The following AFF1 variants were observed in gnomAD, a reference collection of about 807,000 sequenced individuals.
The protein encoded by AFF1 is AF4/FMR2 family member 1.
In AFF1, 48 loss-of-function variants were observed where a neutral mutation model predicts 121.7. That is an observed-to-expected ratio of 0.39 (90% CI 0.31 to 0.50). The LOEUF (loss-of-function observed/expected upper bound fraction) is 0.50. Among genes scored for constraint, AFF1 ranks in the 20% least tolerant of loss-of-function variants. AFF1 has a pLI of 0.76. For synonymous variants in AFF1, 613 were observed against 563.0 expected, an observed-to-expected ratio of 1.09 and a Z score of -1.26; for missense variants, 1,523 against 1,511.7, an observed-to-expected ratio of 1.01 and a Z score of -0.12.
chr4:87,046,912 C>T lies in AFF1; in HGVS notation c.377C>T (p.Pro126Leu). 2 of 1,614,220 alleles carry T rather than the reference C, an allele frequency of 1.2e-6. No homozygotes were observed. Among genetic ancestry groups the T allele is most frequent in the Non-Finnish European group, 1.7e-6 (2 of 1,180,044 alleles). ...GTCCACCACCAGTCCATTCACACTC[C>T]TGCGTCTGGACCACTTTCTGTTGGC... ...TSVHHQSIHT[P>L]ASGPLSVGNI... is the part of the protein sequence containing the mutation. The change falls in exon 4 of 21, where the codon CCT becomes CTT. Residue 126 changes from proline (P) to leucine (L), a missense_variant. By Grantham distance (98) the Pro-to-Leu change is moderately conservative (BLOSUM62 -3). This residue lies in a region of AFF1 where 369 missense variants were observed against 367.2 expected (regional missense o/e 1.00). Transcript: ENST00000395146.
intron 4 of AFF1, among the ~76,000 whole-genome samples, chr4:87,077,765 A>G (rs1252447326): frequency 2.6e-5 from 4 of 152,288 alleles, no homozygotes; most frequent in Admixed American, 2.6e-4. Context: ...ATTCTTCTAA[A>G]CAATGTATCT....
At chr4:87,010,720 T>C (rs1170048741) in intron 2 of AFF1, among the ~76,000 whole-genome samples, 1 of 152,184 alleles carries the variant, frequency 6.6e-6, no homozygotes, top group Non-Finnish European at 1.5e-5. Flanking sequence ...AACCCTCTCA[T>C]TGAAGCAGAT....
At position 86,982,826 on chromosome 4, in the gene AFF1, C is replaced by T. The variant is rs190575344; in HGVS notation, c.38+34255C>T. On this transcript the variant is annotated intron_variant, in intron 2 of 20. Transcript: ENST00000395146. ...TCGTGCCACTGCACTCCAGTCTGGG[C>T]GACAGAGTAAGACTCTGTCTCCAAA... is the stretch of plus-strand genomic sequence containing the variant. Among the ~76,000 whole-genome samples the T allele has an allele frequency of 3.8e-4, 44 of 114,696 alleles. No homozygotes were observed. In the East Asian group the frequency reaches 9.2e-3, roughly 24 times the overall value. The allele number at this position is 114,696 out of a possible 152,430, so 75.2% of individuals were successfully genotyped here.
chr4:86,997,727 G>A (rs539832017), intron 2 of AFF1, among the ~76,000 whole-genome samples: 9 of 149,886 alleles, frequency 6.0e-5, no homozygotes, highest in African/African-American at 1.2e-4. Context: ...GTGCCACTGC[G>A]CTTCAGCCTG....
intron 4 of AFF1, 60 bp from the exon 5 acceptor site, chr4:87,084,060 C>T (rs1723433797): frequency 6.9e-7 from 1 of 1,458,398 alleles, no homozygotes; most frequent in Non-Finnish European, 9.6e-7. Context: ...AGTCATCCAC[C>T]AGTACCATCA....
At position 86,966,266 on chromosome 4, in the gene AFF1, G is replaced by A. The variant is rs938053791; in HGVS notation, c.38+17695G>A. Among the ~76,000 whole-genome samples, 8 of 152,064 alleles carry A rather than the reference G, an allele frequency of 5.3e-5. No homozygotes were observed. In the Middle Eastern group the frequency reaches 0.01, roughly 194 times the overall value. On this transcript the variant is annotated intron_variant, in intron 2 of 20. Transcript: ENST00000395146. ...GTGATATATATTGAATTTTGTGTGCGGTGCTGTCAATCCTTCCTCTTCTCT... is the reference window on the plus strand; with the variant it reads ...GTGATATATATTGAATTTTGTGTGCAGTGCTGTCAATCCTTCCTCTTCTCT...
chr4:87,127,688 G>A lies in AFF1; in HGVS notation c.2949G>A (p.Gln983=), dbSNP rs376235465. The change falls in exon 16 of 21, where the codon CAG becomes CAA. Residue 983 remains glutamine, a synonymous_variant. Transcript: ENST00000395146. ...TGAGGGAGGCAAAAAAGATGAAGCAGAAAGCAGAGTTAATGGTTAGTATTG... is the reference window on the plus strand; with the variant it reads ...TGAGGGAGGCAAAAAAGATGAAGCAAAAAGCAGAGTTAATGGTTAGTATTG... ...LHMREAKKMK[Q]KAELMTDRVG... is the part of the protein sequence containing the mutation. The A allele has an allele frequency of 1.7e-5, 27 of 1,614,044 alleles. No homozygotes were observed. The African/African-American group carries it at 2.0e-4, about 12-fold the overall frequency.
Position 87,074,244 on chromosome 4 carries a change from C to T in AFF1, c.1060-9876C>T, listed in dbSNP as rs180737412. Among the ~76,000 whole-genome samples, 46 of 152,038 alleles carry T rather than the reference C, an allele frequency of 3.0e-4. No individual in the cohort carries two copies. The South Asian group carries it at 6.9e-3, about 23-fold the overall frequency. ...ATATAGCTTAGGCCATTTGAAAGGA[C>T]TTGTCAGTTGACTATTGCTGGAATG... On this transcript the variant is annotated intron_variant, in intron 4 of 20. Coordinates refer to ENST00000395146, the MANE Select transcript of AFF1 (RefSeq NM_001166693.3).
intron 4 of AFF1, among the ~76,000 whole-genome samples, chr4:87,080,880 G>A (rs1255913671): frequency 6.6e-6 from 1 of 152,146 alleles, no homozygotes; most frequent in Non-Finnish European, 1.5e-5. Context: ...GTGAGTCTCA[G>A]GTAGATGGAA....
rs992997141 is a variant in AFF1, at chr4:87,043,450, A to C, written c.39-2716A>C. Among the ~76,000 whole-genome samples the C allele has an allele frequency of 2.6e-5, 4 of 152,214 alleles. 1 individual carries two copies. The highest frequency in any genetic ancestry group is 5.9e-5 in the Non-Finnish European group (4 of 68,040). On this transcript the variant is annotated intron_variant, in intron 2 of 20. Coordinates refer to ENST00000395146, the MANE Select transcript of AFF1 (RefSeq NM_001166693.3). ...GTGGCTATAAAACAAGTTTGAAGGAAAAAGTGATTTCCTAATCAGCCTGCT... is the reference window on the plus strand; with the variant it reads ...GTGGCTATAAAACAAGTTTGAAGGACAAAGTGATTTCCTAATCAGCCTGCT...
intron 12 of AFF1, among the ~76,000 whole-genome samples, chr4:87,120,993 C>G (rs1472417329): frequency 1.4e-5 from 2 of 145,260 alleles, no homozygotes; most frequent in Admixed American, 7.0e-5. Context: ...TCACTCTTGC[C>G]CTGTGCTCCA....
chr4:87,037,531 T>C (rs1373281962), intron 2 of AFF1, among the ~76,000 whole-genome samples: 1 of 152,138 alleles, frequency 6.6e-6, no homozygotes, highest in Non-Finnish European at 1.5e-5. Context: ...CAGGCTAGTC[T>C]TGAACTCCTG....
intron 19 of AFF1, among the ~76,000 whole-genome samples, chr4:87,133,262 T>C (rs1379329535): frequency 6.6e-6 from 1 of 152,352 alleles, no homozygotes; most frequent in East Asian, 1.9e-4. Flanking sequence ...CTTGTACAAG[T>C]GTTTTTAAAG....
At chr4:87,118,881 A>G (rs375875617) in intron 12 of AFF1, among the ~76,000 whole-genome samples, 3 of 152,294 alleles carry the variant, frequency 2.0e-5, no homozygotes, top group East Asian at 3.9e-4. Flanking sequence ...ACAGGGTGGG[A>G]GCCGGCTGAA....
At chr4:87,072,382 AT>A (rs1235043794) in intron 4 of AFF1, among the ~76,000 whole-genome samples, 11 of 138,710 alleles carry the variant, frequency 7.9e-5, no homozygotes, top group African/African-American at 1.7e-4. Flanking sequence ...AAAAAAAAAA[AT>A]TTAAATTCAG....
chr4:86,953,884 C>T (rs922158469), intron 2 of AFF1, among the ~76,000 whole-genome samples: 2 of 151,870 alleles, frequency 1.3e-5, no homozygotes, highest in African/African-American at 2.4e-5. Flanking sequence ...AATTTTTGTA[C>T]GTTTTTAGTA....
At position 87,127,679 on chromosome 4, in the gene AFF1, G is replaced by A. The variant is rs577407066; in HGVS notation, c.2940G>A (p.Lys980=). 6.2e-7 allele frequency: 1 copy of A among 1,614,088 alleles called. No homozygotes were observed. Among genetic ancestry groups the A allele is most frequent in the Non-Finnish European group, 8.5e-7 (1 of 1,180,052 alleles). ...ACCTTCACATGAGGGAGGCAAAAAAGATGAAGCAGAAAGCAGAGTTAATGG... is the reference window on the plus strand; with the variant it reads ...ACCTTCACATGAGGGAGGCAAAAAAAATGAAGCAGAAAGCAGAGTTAATGG... ...QADLHMREAK[K]MKQKAELMTD... Residue 980 remains lysine (K), a synonymous_variant, in exon 16 of 21, where the codon AAG becomes AAA. Coordinates refer to ENST00000395146, the MANE Select transcript of AFF1 (RefSeq NM_001166693.3).
chr4:87,124,789 A>T (rs1302958496), intron 12 of AFF1, among the ~76,000 whole-genome samples: 1 of 152,080 alleles, frequency 6.6e-6, no homozygotes, highest in Admixed American at 6.5e-5. Flanking sequence ...CTTGCATGGG[A>T]GGAATTGTTT....
intron 2 of AFF1, among the ~76,000 whole-genome samples, chr4:87,033,796 TG>T (rs1729290758): frequency 2.0e-5 from 3 of 152,358 alleles, no homozygotes; most frequent in South Asian, 4.1e-4. Flanking sequence ...CATAACTGCC[TG>T]TTTTTTTTTA....
Sources: allele counts gnomAD v4.1 joint callset (sites outside exome capture counted in the v4.1 genomes callset), GRCh38; gene constraint gnomAD v4.1.1; regional missense constraint gnomAD v4.1.1; transcripts MANE v1.5; gene names NCBI Gene and HGNC (gene_info 2026-07-23, HGNC 2026-07-21).